GSE1: variants seen among roughly 807,000 people sequenced by gnomAD.
The protein encoded by GSE1 is Gse1 coiled-coil protein, also known as genetic suppressor element 1.
Under a neutral mutation model 112.6 loss-of-function variants are expected in GSE1, and 32 were observed. That is an observed-to-expected ratio of 0.28 (90% confidence interval 0.21 to 0.38). The LOEUF is 0.38. Ranked by LOEUF, GSE1 falls within the 10% of genes least tolerant of loss-of-function variation. The pLI is 1.00. For synonymous variants in GSE1, 1,115 were observed against 735.6 expected, an observed-to-expected ratio of 1.52 and a Z score of -8.35; for missense variants, 2,348 against 1,699.2, an observed-to-expected ratio of 1.38 and a Z score of -6.71.
chr16:85,199,334 C>T (rs1567605788), intron 1 of GSE1, among the ~76,000 whole-genome samples: 1 of 152,152 alleles, frequency 6.6e-6, no homozygotes, highest in African/African-American at 2.4e-5. Flanking sequence ...AATCCTCCCG[C>T]CTCAGCCTCC....
intron 2 of GSE1, among the ~76,000 whole-genome samples, chr16:85,537,199 G>T (rs982449368): frequency 2.0e-5 from 3 of 152,254 alleles, no homozygotes; most frequent in Non-Finnish European, 4.4e-5. Context: ...TGGGCTGCAG[G>T]TTAGCTGTGG....
intron 1 of GSE1, among the ~76,000 whole-genome samples, chr16:85,577,380 TGGAG>T (rs2046271552): frequency 1.3e-5 from 2 of 152,116 alleles, no homozygotes; most frequent in African/African-American, 4.8e-5. Flanking sequence ...GCAAGGGTGG[TGGAG>T]GAAGTGCTTC....
At chr16:85,349,140 C>A (rs1180709744) in intron 1 of GSE1, among the ~76,000 whole-genome samples, 1 of 152,178 alleles carries the variant, frequency 6.6e-6, no homozygotes, top group African/African-American at 2.4e-5. Flanking sequence ...TCCAATTACA[C>A]CCGGTCGCCA....
rs114262780 is a variant in GSE1 at position 85,655,904 on chromosome 16, C to T, written c.976C>T (p.Leu326Phe). ...GCTGCACTCGGAGCGCATGTCTGGC[C>T]TCAGCGCGGAGAGGTAAGTGCGTCT... ...AALHSERMSG[L>F]SAERLQMDEE... The change falls in exon 6 of 16, where the codon CTC becomes TTC. Residue 326 changes from leucine (L) to phenylalanine (F), a missense_variant. Physicochemically the swap from Leu to Phe is conservative, Grantham distance 22 (BLOSUM62 0). Coordinates refer to ENST00000253458, the MANE Select transcript of GSE1 (RefSeq NM_014615.5). 4.3e-4 allele frequency: 695 copies of T among 1,603,604 alleles called. 3 individuals carry two copies. The African/African-American group carries it at 8.7e-3, about 20-fold the overall frequency.
intron 2 of GSE1, among the ~76,000 whole-genome samples, chr16:85,647,568 C>A (rs1295315550): frequency 6.6e-6 from 1 of 152,168 alleles, no homozygotes; most frequent in Non-Finnish European, 1.5e-5. Context: ...CTTGGCTGGG[C>A]CCCGTAGAGG....
At chr16:85,352,777 A>T (rs1460700591) in intron 1 of GSE1, among the ~76,000 whole-genome samples, 1 of 152,132 alleles carries the variant, frequency 6.6e-6, no homozygotes, top group Non-Finnish European at 1.5e-5. Flanking sequence ...GTCCATTAAT[A>T]TTGACCAGGC....
At chr16:85,389,390 G>C (rs1266421790) in intron 2 of GSE1, among the ~76,000 whole-genome samples, 1 of 151,842 alleles carries the variant, frequency 6.6e-6, no homozygotes, top group African/African-American at 2.4e-5. Context: ...AACCCGGGCG[G>C]GGGAGGTTGC....
intron 1 of GSE1, among the ~76,000 whole-genome samples, chr16:85,228,947 C>G (rs531066085): frequency 5.9e-5 from 9 of 152,350 alleles, no homozygotes; most frequent in African/African-American, 2.2e-4. Flanking sequence ...GCAGCCTGTT[C>G]TGAGCTGGGC....
intron 2 of GSE1, among the ~76,000 whole-genome samples, chr16:85,435,201 G>C (rs1379080489): frequency 6.6e-6 from 1 of 152,230 alleles, no homozygotes; most frequent in Non-Finnish European, 1.5e-5. Context: ...CAGAGCCTCG[G>C]CCCTGCACAC....
rs538553299 is a variant in GSE1 at position 85,325,458 on chromosome 16, T to A, written c.2284-32005T>A. 1.6e-4 allele frequency among the ~76,000 whole-genome samples: 23 copies of A among 144,056 alleles called. No homozygotes were observed. The South Asian group carries it at 1.9e-3, about 12-fold the overall frequency. The allele number at this position is 144,056 out of a possible 152,430, so 94.5% of individuals were successfully genotyped here. A position where few individuals can be genotyped will look rare whatever the true frequency, so the allele number is the denominator to read the frequency against. The stretch of plus-strand genomic sequence containing the variant: ...GGGTATTTTTCAGTAAAAAAAAAAA[T>A]TTTTTTTTTTGAGACAGAGTTTCAC... On this transcript the variant is annotated intron_variant, in intron 1 of 2. Coordinates refer to the GSE1 transcript ENST00000637419.
intron 1 of GSE1, among the ~76,000 whole-genome samples, chr16:85,331,537 G>GTA (rs1190834070): frequency 5.9e-5 from 7 of 118,190 alleles, no homozygotes; most frequent in Admixed American, 2.8e-4. Context: ...GTGTATATGT[G>GTA]TATATGTGTG....
rs1239500925 is a variant in GSE1, at chr16:85,671,015, G to C, written c.3436G>C (p.Val1146Leu). 6.2e-7 allele frequency: 1 copy of C among 1,610,270 alleles called. No individual in the cohort carries two copies. The highest frequency in any genetic ancestry group is 1.3e-5 in the African/African-American group (1 of 74,798). The change falls in exon 15 of 16, where the codon GTG (valine) becomes CTG (leucine). Residue 1146 changes from valine (V) to leucine (L), a missense_variant. Transcript: ENST00000253458. ...HIEEQNLERQ[V>L]LQTQCRRLEA... ...TTCAGAGCAAAATCTGGAGCGGCAG[G>C]TGTTACAGACACAATGTAGACGACT...
chr16:85,363,608 G>A (rs2047127644), intron 2 of GSE1, among the ~76,000 whole-genome samples: 1 of 152,212 alleles, frequency 6.6e-6, no homozygotes, highest in South Asian at 2.1e-4. Context: ...GGGAGCGAGG[G>A]TAATCAAGAG....
intron 1 of GSE1, among the ~76,000 whole-genome samples, chr16:85,256,042 G>T (rs1907042301): frequency 6.6e-6 from 1 of 152,214 alleles, no homozygotes; most frequent in Non-Finnish European, 1.5e-5. Flanking sequence ...ACCTCCGTGT[G>T]CCTCAGCTTC....
intron 1 of GSE1, among the ~76,000 whole-genome samples, chr16:85,625,078 C>A (rs1379878260): frequency 6.6e-6 from 1 of 152,190 alleles, no homozygotes; most frequent in Non-Finnish European, 1.5e-5. Flanking sequence ...GGACACCGAC[C>A]CCAGCCTTGA....
rs2045842368 is a variant in GSE1 at position 85,311,421 on chromosome 16, C to G, written c.2284-46042C>G. Among the ~76,000 whole-genome samples the G allele has an allele frequency of 6.6e-6, 1 of 151,082 alleles. No homozygotes were observed. Among genetic ancestry groups the G allele is most frequent in the South Asian group, 2.1e-4 (1 of 4,700 alleles). On this transcript the variant is annotated intron_variant, in intron 1 of 2. Transcript: ENST00000637419. This position sits in a 1 kb window ranked among gnomAD's most constrained non-coding sequence, Gnocchi z 4.2. ...GGTCAGCAGCAGCATCGGAGGCAAC[C>G]TGCCCTCGTGGCACCACAAGAGAGC...
At position 85,507,998 on chromosome 16, in the gene GSE1, G is replaced by A. The variant is rs537728000; in HGVS notation, c.2465-125916G>A. Among the ~76,000 whole-genome samples the A allele has an allele frequency of 1.2e-4, 18 of 152,140 alleles. No individual in the cohort carries two copies. In the South Asian group the frequency reaches 3.7e-3, roughly 32 times the overall value. On this transcript the variant is annotated intron_variant, in intron 2 of 2. Coordinates refer to the GSE1 transcript ENST00000637419. ...CCCCAGAAGCCCCCTGTGGCCCCCT[G>A]CCGAGGTGGCCAGTGCCCCGACTTC... is the stretch of plus-strand genomic sequence containing the variant.
At chr16:85,624,015 G>A (rs2151655107) in intron 1 of GSE1, among the ~76,000 whole-genome samples, 1 of 152,286 alleles carries the variant, frequency 6.6e-6, no homozygotes, top group Non-Finnish European at 1.5e-5. Flanking sequence ...CCACTTACCT[G>A]AGGGAGCTTG....
chr16:85,519,084 G>A (rs890927829), intron 2 of GSE1, among the ~76,000 whole-genome samples: 3 of 152,216 alleles, frequency 2.0e-5, no homozygotes, highest in Admixed American at 2.0e-4. Context: ...TGGACAAGTG[G>A]AGTAATGAAG....
Sources: allele counts gnomAD v4.1 joint callset (sites outside exome capture counted in the v4.1 genomes callset), GRCh38; gene constraint gnomAD v4.1.1; non-coding constraint Gnocchi (gnomAD v3.1); transcripts MANE v1.5; gene names NCBI Gene and HGNC (gene_info 2026-07-23, HGNC 2026-07-21).